Variants in PPM1E observed in about 807,000 individuals in gnomAD.
PPM1E encodes protein phosphatase, Mg2+/Mn2+ dependent 1E.
In PPM1E, 20 loss-of-function variants were observed where a neutral mutation model predicts 65.9. The observed-to-expected ratio is 0.30, with a 90% confidence interval of 0.21 to 0.44. PPM1E has a LOEUF of 0.44. PPM1E is among the 20% of genes least tolerant of loss of function. The pLI, the probability that PPM1E is intolerant of heterozygous loss-of-function variation, is 1.00. For missense variants in PPM1E, 713 were observed against 953.1 expected (o/e 0.75, Z 3.32); for synonymous variants, 352 against 374.9 (o/e 0.94, Z 0.70).
At chr17:58,950,414 G>C (rs531468920) in intron 1 of PPM1E, among the ~76,000 whole-genome samples, 3 of 152,188 alleles carry the variant, frequency 2.0e-5, no homozygotes, top group Non-Finnish European at 2.9e-5. Flanking sequence ...ACTTGTTTGG[G>C]TTGAATCTAT....
intron 1 of PPM1E, among the ~76,000 whole-genome samples, chr17:58,919,903 A>G (rs1210943321): frequency 6.6e-6 from 1 of 152,226 alleles, no homozygotes; most frequent in Admixed American, 6.5e-5. Context: ...TAAAGGACAT[A>G]TCTTATCTGG....
At chr17:58,827,410 G>T (rs2050549703) in intron 1 of PPM1E, among the ~76,000 whole-genome samples, 1 of 151,882 alleles carries the variant, frequency 6.6e-6, no homozygotes, top group African/African-American at 2.4e-5. Flanking sequence ...GGGATTACAG[G>T]CATGAGCCAC....
intron 1 of PPM1E, among the ~76,000 whole-genome samples, chr17:58,828,458 T>TTTTG (rs759335359): frequency 6.4e-4 from 98 of 152,228 alleles, no homozygotes; most frequent in South Asian, 1.7e-3. Flanking sequence ...TTTTAATTCT[T>TTTTG]TTTGTTTGTT....
intron 1 of PPM1E, among the ~76,000 whole-genome samples, chr17:58,937,749 A>G (rs1374575562): frequency 6.7e-6 from 1 of 149,894 alleles, no homozygotes; most frequent in Non-Finnish European, 1.5e-5. Context: ...GCATGGTGGC[A>G]GGCACCTCTA....
At chr17:58,867,866 C>G (rs2051023110) in intron 1 of PPM1E, among the ~76,000 whole-genome samples, 1 of 152,086 alleles carries the variant, frequency 6.6e-6, no homozygotes. Flanking sequence ...AAGAGGAAAA[C>G]ATGTGTTCCC....
chr17:58,937,703 C>T (rs540560509), intron 1 of PPM1E, among the ~76,000 whole-genome samples: 5 of 149,174 alleles, frequency 3.4e-5, no homozygotes, highest in South Asian at 4.2e-4. Context: ...GGTGAAACCC[C>T]GTCTCTACTA....
chr17:58,824,840 C>T (rs903816361), intron 1 of PPM1E, among the ~76,000 whole-genome samples: 1 of 151,426 alleles, frequency 6.6e-6, no homozygotes, highest in African/African-American at 2.4e-5. Flanking sequence ...AATCTCCTGA[C>T]CTCGTGATCC....
At chr17:58,760,478 A>G (rs1314331451) in intron 1 of PPM1E, among the ~76,000 whole-genome samples, 1 of 151,920 alleles carries the variant, frequency 6.6e-6, no homozygotes, top group Admixed American at 6.6e-5. Context: ...TGTTAATTCT[A>G]CCTCGTAAAT....
At chr17:58,863,492 C>T in intron 1 of PPM1E, among the ~76,000 whole-genome samples, 1 of 152,198 alleles carries the variant, frequency 6.6e-6, no homozygotes, top group Non-Finnish European at 1.5e-5. Context: ...TGCCGGCTAC[C>T]CCTAGAGCCC....
At chr17:58,860,972 CATCTACTGAAAA>C (rs1047923257) in intron 1 of PPM1E, among the ~76,000 whole-genome samples, 2 of 152,146 alleles carry the variant, frequency 1.3e-5, no homozygotes, top group Non-Finnish European at 2.9e-5. Flanking sequence ...ATACTGGTTT[CATCTACTGAAAA>C]ATCTCTTCCC....
chr17:58,825,116 C>A (rs2050520642), intron 1 of PPM1E, among the ~76,000 whole-genome samples: 1 of 151,774 alleles, frequency 6.6e-6, no homozygotes. Flanking sequence ...CCCAAATCAC[C>A]ACTAAAGAAC....
intron 1 of PPM1E, among the ~76,000 whole-genome samples, chr17:58,929,543 G>A (rs557184927): frequency 6.6e-6 from 1 of 152,170 alleles, no homozygotes; most frequent in African/African-American, 2.4e-5. Flanking sequence ...TAATATGCAT[G>A]AGAAATAAGA....
intron 4 of PPM1E, 76 bp downstream of exon 4, chr17:58,969,803 AT>A: frequency 1.5e-6 from 2 of 1,373,452 alleles, no homozygotes; most frequent in Non-Finnish European, 1.0e-6. Flanking sequence ...TTAAAGGGCT[AT>A]TTAGATTTTC....
chr17:58,870,984 A>T (rs1410342144), intron 1 of PPM1E, among the ~76,000 whole-genome samples: 1 of 152,070 alleles, frequency 6.6e-6, no homozygotes, highest in East Asian at 1.9e-4. Flanking sequence ...TGGTGATCCC[A>T]AGAGGCTTGG....
intron 1 of PPM1E, among the ~76,000 whole-genome samples, chr17:58,865,994 TA>T (rs2050999296): frequency 6.6e-6 from 1 of 152,226 alleles, no homozygotes; most frequent in South Asian, 2.1e-4. Context: ...ATTTCTTATG[TA>T]AACTTTAAGC....
At chr17:58,768,403 C>T (rs900628328) in intron 1 of PPM1E, among the ~76,000 whole-genome samples, 8 of 152,120 alleles carry the variant, frequency 5.3e-5, no homozygotes, top group African/African-American at 1.4e-4. Flanking sequence ...TCTAAAGATA[C>T]GTTATTTCCT....
intron 1 of PPM1E, among the ~76,000 whole-genome samples, chr17:58,853,991 T>C (rs2050855625): frequency 6.6e-6 from 1 of 152,220 alleles, no homozygotes; most frequent in Non-Finnish European, 1.5e-5. Flanking sequence ...AGAGATTGCA[T>C]TAAATCAGAG....
At chr17:58,891,544 C>T (rs558479798) in intron 1 of PPM1E, among the ~76,000 whole-genome samples, 4 of 151,510 alleles carry the variant, frequency 2.6e-5, no homozygotes, top group South Asian at 4.2e-4. Context: ...AGGCTGGTCT[C>T]GAACTCCTGA....
At chr17:58,816,732 C>A in intron 1 of PPM1E, among the ~76,000 whole-genome samples, 1 of 118,142 alleles carries the variant, frequency 8.5e-6, no homozygotes, top group Non-Finnish European at 1.7e-5. Flanking sequence ...TAGCATGTAT[C>A]AGAATATAAA....
Sources: allele counts gnomAD v4.1 joint callset (sites outside exome capture counted in the v4.1 genomes callset), GRCh38; gene constraint gnomAD v4.1.1; transcripts MANE v1.5; gene names NCBI Gene and HGNC (gene_info 2026-07-23, HGNC 2026-07-21).